LRCH3: variants seen among roughly 807,000 people sequenced by gnomAD.
The protein encoded by LRCH3 is leucine rich repeats and calponin homology domain containing 3, also known as DISP complex protein LRCH3.
In LRCH3, 68 loss-of-function variants were observed where a neutral mutation model predicts 104.5. The observed-to-expected ratio is 0.65, with a 90% confidence interval of 0.54 to 0.80. The LOEUF is 0.80. Among genes scored for constraint, LRCH3 ranks in the 30% least tolerant of loss-of-function variants. LRCH3 has a pLI of 0.00. For missense variants in LRCH3, 951 were observed against 953.9 expected, an observed-to-expected ratio of 1.00 and a Z score of 0.04; for synonymous variants, 344 against 361.3, an observed-to-expected ratio of 0.95 and a Z score of 0.54.
At chr3:197,847,498 A>G (rs1278821299) in intron 11 of LRCH3, 38 bp downstream of exon 11, 1 of 1,541,508 alleles carries the variant, frequency 6.5e-7, no homozygotes, top group Non-Finnish European at 8.7e-7. Flanking sequence ...TGCTTTTTAA[A>G]CTAAGATGAT....
intron 1 of LRCH3, among the ~76,000 whole-genome samples, chr3:197,801,849 T>A (rs975843142): frequency 9.9e-5 from 15 of 152,242 alleles, no homozygotes; most frequent in Non-Finnish European, 1.2e-4. Context: ...TAACGTGTTG[T>A]CAGGATGGGC....
intron 9 of LRCH3, among the ~76,000 whole-genome samples, chr3:197,837,149 A>C (rs1736931515): frequency 6.6e-6 from 1 of 152,208 alleles, no homozygotes; most frequent in African/African-American, 2.4e-5. Flanking sequence ...TGACTGATGA[A>C]ACTACTTGTT....
chr3:197,806,600 C>T (rs932795534), intron 1 of LRCH3, among the ~76,000 whole-genome samples: 9 of 151,690 alleles, frequency 5.9e-5, no homozygotes, highest in Non-Finnish European at 7.4e-5. Flanking sequence ...ATAGGAATGC[C>T]GGACATGGTG....
In LRCH3 at chr3:197,885,607, T is replaced by A. The variant is rs1714134397; in HGVS notation, c.*1941T>A. 1.3e-5 allele frequency: 2 copies of A among 152,108 alleles called. No homozygotes were observed. 9.4% of individuals were successfully genotyped at this position (152,108 alleles called of 1,614,324 possible). A position where few individuals can be genotyped will look rare whatever the true frequency, so the allele number is the denominator to read the frequency against. ...CCTGGGCAACAAAAGCGAAATTCCA[T>A]CTCAAAAAAAGAAAACGCGCCCCAT... On this transcript the variant is annotated 3_prime_UTR_variant, in exon 21 of 21. Coordinates refer to ENST00000425562, the MANE Select transcript of LRCH3 (RefSeq NM_001365715.1).
chr3:197,808,543 TCTC>T (rs1420848421), intron 1 of LRCH3, among the ~76,000 whole-genome samples: 2 of 152,238 alleles, frequency 1.3e-5, no homozygotes, highest in East Asian at 1.9e-4. Context: ...AATGTGTTGA[TCTC>T]CTCTTGATTC....
intron 4 of LRCH3, among the ~76,000 whole-genome samples, chr3:197,821,903 G>A (rs1734534187): frequency 6.6e-6 from 1 of 152,162 alleles, no homozygotes; most frequent in African/African-American, 2.4e-5. Context: ...CAAACTCCTG[G>A]GGTCAAGAGA....
chr3:197,847,359 T>C, intron 10 of LRCH3, 50 bp from the exon 11 acceptor site: 1 of 1,498,828 alleles, frequency 6.7e-7, no homozygotes. Flanking sequence ...TGTATCTGTT[T>C]GTCTTTTTAT....
At chr3:197,843,581 G>T (rs1261292533) in intron 10 of LRCH3, among the ~76,000 whole-genome samples, 1 of 152,222 alleles carries the variant, frequency 6.6e-6, no homozygotes, top group Non-Finnish European at 1.5e-5. Context: ...CTACTTGGGA[G>T]GCTGAGGCAG....
At chr3:197,791,631 A>G in intron 1 of LRCH3, 91 bp downstream of exon 1, 7 of 1,390,424 alleles carry the variant, frequency 5.0e-6, no homozygotes, top group Non-Finnish European at 2.8e-6. Flanking sequence ...GAGTTACAGC[A>G]GCTCGTCCCG....
chr3:197,815,175 C>T (rs1733664776), intron 2 of LRCH3, 123 bp downstream of exon 2: 1 of 540,880 alleles, frequency 1.8e-6, no homozygotes, highest in East Asian at 3.4e-5. Flanking sequence ...TCTGTATGTG[C>T]TCTTGGATAT....
At chr3:197,836,138 T>C (rs906787263) in intron 9 of LRCH3, among the ~76,000 whole-genome samples, 6 of 152,216 alleles carry the variant, frequency 3.9e-5, no homozygotes, top group Admixed American at 1.3e-4. Context: ...TTCATTGTTG[T>C]TTTTATTGCT....
intron 20 of LRCH3, 80 bp downstream of exon 20, chr3:197,875,855 T>G: frequency 1.1e-6 from 1 of 890,136 alleles, no homozygotes; most frequent in Non-Finnish European, 1.8e-6. Flanking sequence ...CTCTAAAATC[T>G]TACAGGACTA....
chr3:197,803,998 C>A (rs1732186427), intron 1 of LRCH3, among the ~76,000 whole-genome samples: 1 of 152,158 alleles, frequency 6.6e-6, no homozygotes, highest in African/African-American at 2.4e-5. Context: ...TGGCTCACGC[C>A]TGTAATCCCA....
rs560688806 is a variant in LRCH3, at chr3:197,887,950, G to T, written c.*4284G>T. 6.6e-6 allele frequency: 1 copy of T among 152,456 alleles called. No individual in the cohort carries two copies. Among genetic ancestry groups the T allele is most frequent in the South Asian group, 2.1e-4 (1 of 4,864 alleles). 9.4% of individuals were successfully genotyped at this position (152,456 alleles called of 1,614,324 possible). A position where few individuals can be genotyped will look rare whatever the true frequency, so the allele number is the denominator to read the frequency against. Reference sequence around the variant, plus strand: ...TCCAGTGTTCTCTTGTAATAGCCAGGTCTGGAAACGACCCATGGAAAGAGG... The same window carrying T: ...TCCAGTGTTCTCTTGTAATAGCCAGTTCTGGAAACGACCCATGGAAAGAGG... On this transcript the variant is annotated 3_prime_UTR_variant, in exon 21 of 21. Transcript: ENST00000425562.
In LRCH3 at chr3:197,793,383, G is replaced by A. The variant is rs539309441; in HGVS notation, c.262+1843G>A. On this transcript the variant is annotated intron_variant, in intron 1 of 20. Transcript: ENST00000425562. The stretch of plus-strand genomic sequence containing the variant: ...GAGCAGCCACTTTCCTTTTGTGTGT[G>A]TTCTGGTAGACGGCATGTAAAATTA... 2.0e-5 allele frequency among the ~76,000 whole-genome samples: 3 copies of A among 152,296 alleles called. No homozygotes were observed. In the South Asian group the frequency reaches 6.2e-4, roughly 32 times the overall value.
intron 1 of LRCH3, among the ~76,000 whole-genome samples, chr3:197,800,112 C>T (rs192401507): frequency 9.9e-5 from 15 of 152,012 alleles, no homozygotes; most frequent in Admixed American, 5.9e-4. Flanking sequence ...TTGCTTGAAC[C>T]CCGGTGGTGG....
intron 15 of LRCH3, 116 bp downstream of exon 15, chr3:197,859,021 T>G: frequency 3.9e-6 from 3 of 776,322 alleles, no homozygotes; most frequent in South Asian, 2.9e-5. Flanking sequence ...TAAATATACC[T>G]GTTTATGGAA....
intron 1 of LRCH3, among the ~76,000 whole-genome samples, chr3:197,799,594 C>T (rs138977005): frequency 0.01 from 1,533 of 152,194 alleles, 23 homozygotes; most frequent in African/African-American, 0.035. Context: ...TGGCTAGGCG[C>T]GGTGGCTCAT....
intron 19 of LRCH3, among the ~76,000 whole-genome samples, chr3:197,873,460 T>C (rs1712476261): frequency 6.6e-6 from 1 of 151,988 alleles, no homozygotes; most frequent in Admixed American, 6.6e-5. Flanking sequence ...TGTCGTGTGG[T>C]TCACACTTGT....
Sources: gnomAD v4.1 joint callset for allele counts (sites outside exome capture counted in the v4.1 genomes callset) on GRCh38, gnomAD v4.1.1 for gene constraint, MANE v1.5 for transcripts, NCBI Gene and HGNC (gene_info 2026-07-23, HGNC 2026-07-21) for gene names.